The following DLC1 variants were observed in gnomAD, a reference collection of about 807,000 sequenced individuals.
DLC1 encodes the protein DLC1 Rho GTPase activating protein, also known as rho GTPase-activating protein 7.
DLC1 carries 54 observed loss-of-function variants against 140.3 expected under a neutral mutation model. The observed-to-expected ratio is 0.38, with a 90% CI of 0.31 to 0.48. The LOEUF (loss-of-function observed/expected upper bound fraction) is 0.48. Ranked by LOEUF, DLC1 falls within the 20% of genes least tolerant of loss-of-function variation. The pLI, the probability that DLC1 is intolerant of heterozygous loss-of-function variation, is 0.96. For synonymous variants in DLC1, 986 were observed against 728.1 expected (o/e 1.35, Z -5.70); for missense variants, 2,536 against 1,907.0 (o/e 1.33, Z -6.14).
intron 17 of DLC1, 157 bp downstream of exon 17, chr8:13,086,133 G>T: frequency 7.5e-7 from 1 of 1,329,386 alleles, no homozygotes; most frequent in Non-Finnish European, 1.0e-6. Flanking sequence ...GTCGCTGAAA[G>T]ACCAACAAAC....
chr8:13,210,139 T>G (rs1827869450), intron 5 of DLC1, among the ~76,000 whole-genome samples: 1 of 152,182 alleles, frequency 6.6e-6, no homozygotes, highest in Non-Finnish European at 1.5e-5. Context: ...TAGAAAAAAT[T>G]GGAAACTTGT....
intron 5 of DLC1, among the ~76,000 whole-genome samples, chr8:13,151,858 T>C (rs1314057422): frequency 6.6e-6 from 1 of 152,182 alleles, no homozygotes; most frequent in East Asian, 1.9e-4. Context: ...TTATTGTCGG[T>C]AAAAGTTATT....
chr8:13,508,784 G>A (rs1802228565), intron 1 of DLC1, among the ~76,000 whole-genome samples: 1 of 151,946 alleles, frequency 6.6e-6, no homozygotes, highest in African/African-American at 2.4e-5. Flanking sequence ...TTTTAAGTAT[G>A]CAATCTTCTT....
At chr8:13,188,459 A>G (rs138916042) in intron 5 of DLC1, among the ~76,000 whole-genome samples, 17 of 148,292 alleles carry the variant, frequency 1.1e-4, no homozygotes, top group African/African-American at 4.2e-4. Flanking sequence ...AATGATAAAC[A>G]TGAAATTTAG....
intron 2 of DLC1, among the ~76,000 whole-genome samples, chr8:13,478,857 C>T (rs1800556256): frequency 6.6e-6 from 1 of 152,104 alleles, no homozygotes; most frequent in Non-Finnish European, 1.5e-5. Flanking sequence ...CCTTTTTGTT[C>T]TTGAACCCAC....
chr8:13,523,951 C>G (rs1284611695), intron 1 of DLC1, among the ~76,000 whole-genome samples: 5 of 150,668 alleles, frequency 3.3e-5, no homozygotes, highest in African/African-American at 9.8e-5. Flanking sequence ...TGTTGAAGTG[C>G]ATTATTAAGT....
intron 2 of DLC1, among the ~76,000 whole-genome samples, chr8:13,459,946 C>T (rs1799584049): frequency 6.6e-6 from 1 of 152,158 alleles, no homozygotes; most frequent in East Asian, 1.9e-4. Flanking sequence ...TGTATTGTGC[C>T]GGGAAGGACC....
At chr8:13,530,496 G>C (rs1357543410) in intron 1 of DLC1, among the ~76,000 whole-genome samples, 1 of 152,116 alleles carries the variant, frequency 6.6e-6, no homozygotes, top group African/African-American at 2.4e-5. Flanking sequence ...TCTTGGCTTT[G>C]CTGTGTGTGT....
chr8:13,470,728 A>G (rs539682038), intron 2 of DLC1, among the ~76,000 whole-genome samples: 5 of 152,316 alleles, frequency 3.3e-5, no homozygotes, highest in Admixed American at 1.3e-4. Context: ...GAGGTCCTAA[A>G]AAATGGATAA....
chr8:13,501,565 A>G (rs547812283), intron 1 of DLC1, among the ~76,000 whole-genome samples: 137 of 152,342 alleles, frequency 9.0e-4, no homozygotes, highest in Middle Eastern at 3.4e-3. Context: ...TCTATTGTAA[A>G]GGGCCTTGAC....
intron 5 of DLC1, among the ~76,000 whole-genome samples, chr8:13,175,716 T>C (rs961647935): frequency 6.6e-6 from 1 of 152,174 alleles, no homozygotes; most frequent in South Asian, 2.1e-4. Context: ...TACCAAATTT[T>C]GCATGTTCTT....
chr8:13,431,283 A>G (rs539606075), intron 2 of DLC1, among the ~76,000 whole-genome samples: 34 of 152,042 alleles, frequency 2.2e-4, no homozygotes, highest in African/African-American at 7.7e-4. Context: ...GGAGATCGAG[A>G]CCATCTTGGC....
chr8:13,392,337 G>T (rs1836798027), intron 4 of DLC1, among the ~76,000 whole-genome samples: 1 of 152,092 alleles, frequency 6.6e-6, no homozygotes, highest in African/African-American at 2.4e-5. Context: ...GCATATAGTA[G>T]ATGTTCAATA....
At chr8:13,128,353 C>T (rs1410488346) in intron 5 of DLC1, among the ~76,000 whole-genome samples, 2 of 152,134 alleles carry the variant, frequency 1.3e-5, no homozygotes, top group African/African-American at 4.8e-5. Context: ...AAAGACAGAG[C>T]CCCAAGTCTC....
At chr8:13,337,102 G>A (rs535688093) in intron 4 of DLC1, among the ~76,000 whole-genome samples, 56 of 152,236 alleles carry the variant, frequency 3.7e-4, no homozygotes, top group African/African-American at 1.2e-3. Flanking sequence ...GCTTGACAAT[G>A]CCTTTAGCAT....
intron 16 of DLC1, 123 bp downstream of exon 16, chr8:13,088,364 G>C (rs1585565110): frequency 4.3e-6 from 5 of 1,165,778 alleles, no homozygotes; most frequent in Middle Eastern, 2.9e-4. Flanking sequence ...TTACAGGTGT[G>C]AGCCACCATA....
At chr8:13,293,611 C>T (rs558995380) in intron 5 of DLC1, among the ~76,000 whole-genome samples, 12 of 152,262 alleles carry the variant, frequency 7.9e-5, no homozygotes, top group African/African-American at 2.2e-4. Context: ...AAAAACGAAA[C>T]GGGAGGTTTC....
intron 2 of DLC1, among the ~76,000 whole-genome samples, chr8:13,496,579 C>G (rs80255732): frequency 2.3e-5 from 3 of 130,798 alleles, no homozygotes; most frequent in Non-Finnish European, 3.4e-5. Context: ...TATATATATA[C>G]ACACACACAC....
At chr8:13,249,453 C>T (rs975753180) in intron 5 of DLC1, among the ~76,000 whole-genome samples, 2 of 152,154 alleles carry the variant, frequency 1.3e-5, no homozygotes, top group African/African-American at 4.8e-5. Flanking sequence ...TCCTCTATCT[C>T]AGCTTCCAGG....
Sources: allele counts gnomAD v4.1 joint callset (sites outside exome capture counted in the v4.1 genomes callset), GRCh38; gene constraint gnomAD v4.1.1; transcripts MANE v1.5; gene names NCBI Gene and HGNC (gene_info 2026-07-23, HGNC 2026-07-21).